The following TRIP12 variants were observed in gnomAD, a reference collection of about 807,000 sequenced individuals.
TRIP12 encodes the protein E3 ubiquitin-protein ligase TRIP12.
Under a neutral mutation model 244.2 loss-of-function variants are expected in TRIP12, and 25 were observed. The observed-to-expected ratio is 0.10, with a 90% confidence interval of 0.07 to 0.14. TRIP12 has a LOEUF of 0.14. Among genes scored for constraint, TRIP12 ranks in the 10% least tolerant of loss-of-function variants. The pLI, the probability that TRIP12 is intolerant of heterozygous loss-of-function variation, is 1.00. For synonymous variants in TRIP12, 905 were observed against 873.1 expected (o/e 1.04, Z -0.64); for missense variants, 1,677 against 2,486.4 (o/e 0.67, Z 6.92).
chr2:229,844,563 G>A (rs2057185480), intron 4 of TRIP12, among the ~76,000 whole-genome samples: 1 of 152,102 alleles, frequency 6.6e-6, no homozygotes, highest in Non-Finnish European at 1.5e-5. Context: ...TCAAAATATA[G>A]TCTCCCCCAC....
chr2:229,859,716 T>A, intron 3 of TRIP12, 142 bp from the exon 4 acceptor site: 1 of 887,560 alleles, frequency 1.1e-6, no homozygotes, highest in Non-Finnish European at 1.7e-6. Flanking sequence ...TTCAAATCTG[T>A]AAAACGAAAT....
At chr2:229,812,584 T>C (rs1047143662) in intron 13 of TRIP12, among the ~76,000 whole-genome samples, 4 of 152,084 alleles carry the variant, frequency 2.6e-5, no homozygotes, top group African/African-American at 9.7e-5. Flanking sequence ...GACAGGTGGA[T>C]CACTTGAGTG....
At position 229,791,145 on chromosome 2, in the gene TRIP12, T is replaced by G; in HGVS notation, c.4522A>C (p.Lys1508Gln). ...PTKTSPRNAK[K>Q]HDELWHDGVC... ...TTACCGTGCCATAACTCATCATGCT[T>G]TTTTGCATTTCTAGGGGAAGTTTTC... Residue 1508 changes from lysine to glutamine, a missense_variant, in exon 30 of 42, where the codon AAG becomes CAG. Physicochemically the swap from Lys to Gln is moderately conservative, Grantham distance 53. Around this residue, in one of 11 missense-constraint regions of TRIP12, gnomAD observed 265 missense variants for 370.8 expected, o/e 0.71. Transcript: ENST00000675903. 2.5e-6 allele frequency: 4 copies of G among 1,614,168 alleles called. No individual in the cohort carries two copies. Among genetic ancestry groups the G allele is most frequent in the Non-Finnish European group, 3.4e-6 (4 of 1,179,996 alleles).
At chr2:229,795,411 G>C in intron 25 of TRIP12, 81 bp from the exon 26 acceptor site, 1 of 1,462,002 alleles carries the variant, frequency 6.8e-7, no homozygotes, top group African/African-American at 1.4e-5. Flanking sequence ...TTAATAAGCA[G>C]CTTTATAAAA....
chr2:229,914,684 G>A (rs2075037325), intron 1 of TRIP12, among the ~76,000 whole-genome samples: 2 of 152,152 alleles, frequency 1.3e-5, no homozygotes, highest in Admixed American at 6.5e-5. Flanking sequence ...CACTGCCCAC[G>A]GCTAGAGTGA....
Position 229,836,899 on chromosome 2 carries a change from C to G in TRIP12, c.1219G>C (p.Ala407Pro). 6.2e-7 allele frequency: 1 copy of G among 1,605,720 alleles called. No homozygotes were observed. Among genetic ancestry groups the G allele is most frequent in the Non-Finnish European group, 8.5e-7 (1 of 1,177,532 alleles). ...GTCCGAGCAGCTGAAGAATTTACTG[C>G]CTCCTGGTTGCTTTCAGGGTCTGCC... ...KMADPESNQEAVNSSAARTDE... is the reference protein window; with the variant it reads ...KMADPESNQEPVNSSAARTDE... The change falls in exon 6 of 42, where the codon GCA becomes CCA. Residue 407 changes from alanine to proline, a missense_variant. By Grantham distance (27) the Ala-to-Pro change is conservative. Around this residue, in one of 11 missense-constraint regions of TRIP12, gnomAD observed 143 missense variants for 215.6 expected, o/e 0.66. Coordinates refer to ENST00000675903, the MANE Select transcript of TRIP12 (RefSeq NM_001348323.3).
chr2:229,768,832 A>C, intron 40 of TRIP12, 113 bp from the exon 41 acceptor site: 1 of 980,206 alleles, frequency 1.0e-6, no homozygotes, highest in Non-Finnish European at 1.5e-6. Context: ...TAAATTACAC[A>C]TACATTTTCC....
intron 30 of TRIP12, among the ~76,000 whole-genome samples, chr2:229,790,462 T>A (rs1287512357): frequency 7.0e-6 from 1 of 143,798 alleles, no homozygotes; most frequent in African/African-American, 2.6e-5. Flanking sequence ...AAAAAAGTGC[T>A]ACAGGGCCCT....
chr2:229,851,088 G>A (rs879664423), intron 4 of TRIP12, among the ~76,000 whole-genome samples: 4 of 152,240 alleles, frequency 2.6e-5, no homozygotes, highest in Non-Finnish European at 5.9e-5. Context: ...TCACCCAAGG[G>A]CTGAGGAGTC....
intron 1 of TRIP12, among the ~76,000 whole-genome samples, chr2:229,920,174 A>G: frequency 6.6e-6 from 1 of 152,060 alleles, no homozygotes; most frequent in East Asian, 1.9e-4. Context: ...CCCACTCAAT[A>G]GCTCTTTCAA....
chr2:229,773,647 A>C (rs2035275429), intron 38 of TRIP12: 1 of 153,686 alleles, frequency 6.5e-6, no homozygotes, highest in Admixed American at 6.4e-5. Flanking sequence ...TGCCTCACAA[A>C]GTGCTGGGAG....
At chr2:229,882,596 A>G (rs184191155) in intron 1 of TRIP12, among the ~76,000 whole-genome samples, 3 of 152,274 alleles carry the variant, frequency 2.0e-5, no homozygotes, top group Admixed American at 6.5e-5. Flanking sequence ...CAATCATCTC[A>G]ATGCCATTTC....
intron 8 of TRIP12, among the ~76,000 whole-genome samples, chr2:229,819,924 G>A (rs921881903): frequency 6.6e-6 from 1 of 152,176 alleles, no homozygotes; most frequent in African/African-American, 2.4e-5. Flanking sequence ...TGTGGCTACT[G>A]CATTCCATAG....
intron 11 of TRIP12, 97 bp from the exon 12 acceptor site, chr2:229,814,422 C>G: frequency 1.7e-6 from 2 of 1,152,970 alleles, no homozygotes; most frequent in South Asian, 1.5e-5. Context: ...TCCATGTATA[C>G]TATCTCTAAC....
At chr2:229,832,705 CT>C (rs2053759898) in intron 6 of TRIP12, among the ~76,000 whole-genome samples, 1 of 152,186 alleles carries the variant, frequency 6.6e-6, no homozygotes, top group Admixed American at 6.5e-5. Context: ...CTAGTTATGG[CT>C]GAGAGATCTG....
In TRIP12 at chr2:229,815,094, A is replaced by C. The variant is rs1442462786; in HGVS notation, c.1731+5T>G. On this transcript the variant is annotated splice_donor_5th_base_variant and intron_variant, in intron 11 of 41. Coordinates refer to ENST00000675903, the MANE Select transcript of TRIP12 (RefSeq NM_001348323.3). ...TTTGAACAAACGGGGTAAAAGTAGGATCACCTTTTCTAAAAAGACAGGAAT... is the reference window on the plus strand; with the variant it reads ...TTTGAACAAACGGGGTAAAAGTAGGCTCACCTTTTCTAAAAAGACAGGAAT... 1 of 1,605,968 alleles carries C rather than the reference A, an allele frequency of 6.2e-7. No homozygotes were observed. Among genetic ancestry groups the C allele is most frequent in the Non-Finnish European group, 8.5e-7 (1 of 1,176,654 alleles).
At chr2:229,818,136 A>C (rs1237027219) in intron 9 of TRIP12, among the ~76,000 whole-genome samples, 1 of 152,226 alleles carries the variant, frequency 6.6e-6, no homozygotes, top group Non-Finnish European at 1.5e-5. Context: ...TTAAGTATCA[A>C]GAAGTGGGTG....
rs540272183 is a variant in TRIP12 at position 229,786,301 on chromosome 2, C to T, written c.4996-446G>A. Reference sequence around the variant, plus strand: ...AAGATCCTACAAGCACTACTACAAACACCTGCAAATGAGATTTTAAAAGGT... The same window carrying T: ...AAGATCCTACAAGCACTACTACAAATACCTGCAAATGAGATTTTAAAAGGT... On this transcript the variant is annotated intron_variant, in intron 33 of 41. Transcript: ENST00000675903. Among the ~76,000 whole-genome samples the T allele has an allele frequency of 7.9e-5, 12 of 152,142 alleles. No homozygotes were observed. The South Asian group carries it at 2.5e-3, about 32-fold the overall frequency.
chr2:229,908,450 T>A (rs2073447827), intron 1 of TRIP12, among the ~76,000 whole-genome samples: 1 of 152,160 alleles, frequency 6.6e-6, no homozygotes, highest in South Asian at 2.1e-4. Flanking sequence ...ACAATTCAGT[T>A]TAAGAGATTT....
Sources: gnomAD v4.1 joint callset for allele counts (sites outside exome capture counted in the v4.1 genomes callset) on GRCh38, gnomAD v4.1.1 for gene constraint, gnomAD v4.1.1 regional missense constraint, MANE v1.5 for transcripts, NCBI Gene and HGNC (gene_info 2026-07-23, HGNC 2026-07-21) for gene names.